TRAPPC12: variants seen among roughly 807,000 people sequenced by gnomAD.
TRAPPC12 encodes the protein trafficking protein particle complex subunit 12.
In TRAPPC12, 61 loss-of-function variants were observed where a neutral mutation model predicts 69.2. The observed-to-expected ratio is 0.88, with a 90% CI of 0.72 to 1.09. The LOEUF is 1.09. TRAPPC12 is among the 50% of genes least tolerant of loss of function. TRAPPC12 has a pLI of 0.00. For synonymous variants in TRAPPC12, 469 were observed against 438.9 expected (o/e 1.07, Z -0.86); for missense variants, 1,101 against 1,016.4 (o/e 1.08, Z -1.13).
At chr2:3,394,188 C>T (rs919110596) in intron 2 of TRAPPC12, among the ~76,000 whole-genome samples, 1 of 152,134 alleles carries the variant, frequency 6.6e-6, no homozygotes, top group East Asian at 1.9e-4. Context: ...TTTTATGATA[C>T]GTCATCTGGA....
intron 6 of TRAPPC12, among the ~76,000 whole-genome samples, chr2:3,450,482 C>T (rs983920961): frequency 6.6e-6 from 1 of 152,206 alleles, no homozygotes; most frequent in Non-Finnish European, 1.5e-5. Flanking sequence ...GCTGCATGAC[C>T]AGCCCTCCAG....
At position 3,388,416 on chromosome 2, in the gene TRAPPC12, A is replaced by G. The variant is rs747903695; in HGVS notation, c.793A>G (p.Met265Val). Reference sequence around the variant, plus strand: ...CGAGGGGCGCCCCGAACCCGTGGCCATGCGAGGGCCCCAGGCAGCTGCGCC... The same window carrying G: ...CGAGGGGCGCCCCGAACCCGTGGCCGTGCGAGGGCCCCAGGCAGCTGCGCC... ...GTEGRPEPVAMRGPQAAAPPA... is the reference protein window; with the variant it reads ...GTEGRPEPVAVRGPQAAAPPA... Residue 265 changes from methionine (M) to valine (V), a missense_variant, in exon 2 of 12, where the codon ATG becomes GTG. Transcript: ENST00000324266. 2.5e-6 allele frequency: 4 copies of G among 1,604,602 alleles called. No homozygotes were observed. In the South Asian group the frequency reaches 3.3e-5, roughly 13 times the overall value.
At chr2:3,402,223 G>T (rs970169366) in intron 3 of TRAPPC12, among the ~76,000 whole-genome samples, 1 of 152,156 alleles carries the variant, frequency 6.6e-6, no homozygotes, top group African/African-American at 2.4e-5. Context: ...TCTGCATTTT[G>T]TGTAGAAAGT....
chr2:3,428,319 A>G (rs1455627335), intron 5 of TRAPPC12, among the ~76,000 whole-genome samples: 2 of 152,246 alleles, frequency 1.3e-5, no homozygotes, highest in African/African-American at 2.4e-5. Flanking sequence ...TTCATCCTCA[A>G]TAATATGCTG....
intron 3 of TRAPPC12, among the ~76,000 whole-genome samples, chr2:3,413,649 G>A (rs1023843014): frequency 2.0e-5 from 3 of 152,054 alleles, no homozygotes; most frequent in South Asian, 2.1e-4. Flanking sequence ...AAAAAAAGAC[G>A]ACAAGGATGC....
At chr2:3,381,470 C>T (rs1333099269) in intron 1 of TRAPPC12, among the ~76,000 whole-genome samples, 1 of 152,070 alleles carries the variant, frequency 6.6e-6, no homozygotes, top group African/African-American at 2.4e-5. Flanking sequence ...GTGCAAAGCC[C>T]TCAACTGGAC....
At chr2:3,451,749 C>T (rs1298069251) in intron 6 of TRAPPC12, among the ~76,000 whole-genome samples, 1 of 152,114 alleles carries the variant, frequency 6.6e-6, no homozygotes, top group East Asian at 1.9e-4. Context: ...GTCTTGAACT[C>T]CTGGACTCAA....
intron 3 of TRAPPC12, among the ~76,000 whole-genome samples, chr2:3,421,382 A>AT (rs1419652279): frequency 1.3e-5 from 2 of 152,188 alleles, no homozygotes; most frequent in African/African-American, 4.8e-5. Flanking sequence ...CAGTTCATTG[A>AT]TTTTTTCATA....
At chr2:3,382,769 A>G (rs574379706) in intron 1 of TRAPPC12, among the ~76,000 whole-genome samples, 18 of 152,290 alleles carry the variant, frequency 1.2e-4, no homozygotes, top group African/African-American at 4.1e-4. Context: ...TACAAAAAAT[A>G]CAAAAATAGC....
At chr2:3,420,477 T>C (rs1662714777) in intron 3 of TRAPPC12, among the ~76,000 whole-genome samples, 1 of 152,236 alleles carries the variant, frequency 6.6e-6, no homozygotes, top group Admixed American at 6.5e-5. Flanking sequence ...CTTTCATGTA[T>C]CTTCTTTAAT....
intron 3 of TRAPPC12, among the ~76,000 whole-genome samples, chr2:3,402,997 C>T (rs1379341465): frequency 2.0e-5 from 3 of 152,144 alleles, no homozygotes; most frequent in Non-Finnish European, 4.4e-5. Context: ...GGGAATAAGT[C>T]CCACCGGCTG....
chr2:3,386,604 C>T (rs751327636), intron 1 of TRAPPC12, among the ~76,000 whole-genome samples: 5 of 152,122 alleles, frequency 3.3e-5, no homozygotes, highest in Admixed American at 3.3e-4. Flanking sequence ...CTTCAGCCAT[C>T]AGTGCTTAGT....
intron 9 of TRAPPC12, among the ~76,000 whole-genome samples, chr2:3,471,233 G>C (rs1666044310): frequency 6.6e-6 from 1 of 152,172 alleles, no homozygotes; most frequent in African/African-American, 2.4e-5. Flanking sequence ...GCATAATTCT[G>C]GGCACTGAGC....
chr2:3,454,213 G>C (rs1361925953), intron 6 of TRAPPC12, among the ~76,000 whole-genome samples: 1 of 152,226 alleles, frequency 6.6e-6, no homozygotes, highest in African/African-American at 2.4e-5. Context: ...AGAGGGAGGG[G>C]TGTAGCCTGC....
chr2:3,404,260 C>G (rs1298988197), intron 3 of TRAPPC12, among the ~76,000 whole-genome samples: 1 of 152,138 alleles, frequency 6.6e-6, no homozygotes, highest in African/African-American at 2.4e-5. Context: ...TAGTCCCTCT[C>G]TTCTGATTTT....
intron 2 of TRAPPC12, among the ~76,000 whole-genome samples, chr2:3,391,102 A>C (rs1289265684): frequency 6.6e-6 from 1 of 152,226 alleles, no homozygotes; most frequent in Non-Finnish European, 1.5e-5. Context: ...ATCAGATTAA[A>C]TCATATGCAT....
intron 6 of TRAPPC12, among the ~76,000 whole-genome samples, chr2:3,446,242 C>T (rs373215408): frequency 3.9e-5 from 6 of 152,222 alleles, no homozygotes; most frequent in Non-Finnish European, 8.8e-5. Flanking sequence ...TAAGCCAACA[C>T]TCCTTATGGT....
chr2:3,453,124 C>T (rs1664938598), intron 6 of TRAPPC12, among the ~76,000 whole-genome samples: 1 of 152,210 alleles, frequency 6.6e-6, no homozygotes, highest in South Asian at 2.1e-4. Context: ...TGAAGGGCCC[C>T]TGCAAATGGA....
chr2:3,403,043 C>G (rs971233156), intron 3 of TRAPPC12, among the ~76,000 whole-genome samples: 7 of 152,132 alleles, frequency 4.6e-5, no homozygotes, highest in Non-Finnish European at 1.0e-4. Context: ...CTTATCCTGA[C>G]TGTATTTCAG....
Sources: gnomAD v4.1 joint callset for allele counts (sites outside exome capture counted in the v4.1 genomes callset) on GRCh38, gnomAD v4.1.1 for gene constraint, MANE v1.5 for transcripts, NCBI Gene and HGNC (gene_info 2026-07-23, HGNC 2026-07-21) for gene names.